The following NDC1 variants were observed in gnomAD, a reference collection of about 807,000 sequenced individuals.
The protein encoded by NDC1 is NDC1 transmembrane nucleoporin.
Under a neutral mutation model 89.8 loss-of-function variants are expected in NDC1, and 24 were observed. That is an observed-to-expected ratio of 0.27 (90% confidence interval 0.19 to 0.38). NDC1 has a LOEUF of 0.38. Among genes scored for constraint, NDC1 ranks in the 10% least tolerant of loss-of-function variants. The pLI is 1.00. For synonymous variants in NDC1, 296 were observed against 284.8 expected, an observed-to-expected ratio of 1.04 and a Z score of -0.39; for missense variants, 728 against 797.6, an observed-to-expected ratio of 0.91 and a Z score of 1.05.
chr1:53,790,958 T>C (rs1405557712), intron 14 of NDC1, among the ~76,000 whole-genome samples: 1 of 152,172 alleles, frequency 6.6e-6, no homozygotes, highest in African/African-American at 2.4e-5. Flanking sequence ...GTAATCATCC[T>C]ACTCTGGTAT....
At chr1:53,794,489 C>T (rs905646060) in intron 13 of NDC1, among the ~76,000 whole-genome samples, 1 of 152,104 alleles carries the variant, frequency 6.6e-6, no homozygotes, top group African/African-American at 2.4e-5. Flanking sequence ...TATGGGATCC[C>T]GAAGTTTATG....
intron 17 of NDC1, among the ~76,000 whole-genome samples, chr1:53,770,615 T>A (rs1226349675): frequency 6.6e-6 from 1 of 151,688 alleles, no homozygotes; most frequent in African/African-American, 2.4e-5. Context: ...CCCATTCTCA[T>A]AATCCATTCT....
rs1218601056 is a variant in NDC1 at position 53,778,293 on chromosome 1, ACACT to A, written c.1801-5808_1801-5805del. Among the ~76,000 whole-genome samples the A allele has an allele frequency of 5.3e-5, 8 of 151,076 alleles. No individual in the cohort carries two copies. The South Asian group carries it at 6.3e-4, about 12-fold the overall frequency. ...CACACACACACACACACACACACAC[ACACT>A]GTCACATTTTTAAAATTAATAAACA... On this transcript the variant is annotated intron_variant, in intron 16 of 17. Coordinates refer to ENST00000371429, the MANE Select transcript of NDC1 (RefSeq NM_018087.5).
rs1647333069 is a variant in NDC1, at chr1:53,787,208, C to A, written c.1750G>T (p.Val584Phe). 6.2e-7 allele frequency: 1 copy of A among 1,609,266 alleles called. No homozygotes were observed. The highest frequency in any genetic ancestry group is 1.3e-5 in the African/African-American group (1 of 74,326). Reference protein sequence around the residue: ...ASFTEDRFGVVQTTLPAILNT... With the variant: ...ASFTEDRFGVFQTTLPAILNT... ...AGGATAGCTGGTAGTGTCGTCTGGA[C>A]AACTCCAAATCTATCCTCTGTAAAT... Residue 584 changes from valine to phenylalanine, a missense_variant, in exon 16 of 18, where the codon GTC becomes TTC. Val to Phe is a conservative substitution (Grantham distance 50). Coordinates refer to ENST00000371429, the MANE Select transcript of NDC1 (RefSeq NM_018087.5).
chr1:53,778,390 A>C (rs993912897), intron 16 of NDC1, among the ~76,000 whole-genome samples: 5 of 152,188 alleles, frequency 3.3e-5, no homozygotes. Flanking sequence ...ATTTGTAGCA[A>C]GTCAAACTAG....
At chr1:53,801,581 T>C (rs926749919) in intron 10 of NDC1, among the ~76,000 whole-genome samples, 1 of 152,198 alleles carries the variant, frequency 6.6e-6, no homozygotes, top group Non-Finnish European at 1.5e-5. Context: ...CTATCCTATG[T>C]GCCAAATGAT....
intron 13 of NDC1, 89 bp downstream of exon 13, chr1:53,796,600 C>G: frequency 7.6e-6 from 4 of 527,306 alleles, no homozygotes; most frequent in Non-Finnish European, 3.0e-6. Flanking sequence ...AAAAAAAAAG[C>G]TTCTTATTCC....
chr1:53,837,263 T>C (rs534980079), intron 1 of NDC1, among the ~76,000 whole-genome samples: 1 of 152,236 alleles, frequency 6.6e-6, no homozygotes, highest in East Asian at 1.9e-4. Context: ...ATCTCTATTA[T>C]AAAAATAATT....
chr1:53,820,701 C>CTTTTTT (rs927514677), intron 5 of NDC1, among the ~76,000 whole-genome samples: 12 of 74,876 alleles, frequency 1.6e-4, no homozygotes, highest in Admixed American at 3.2e-4. Context: ...ACTTCTCTCT[C>CTTTTTT]TTTTTTTTTT....
At chr1:53,784,178 T>C (rs1647250544) in intron 16 of NDC1, among the ~76,000 whole-genome samples, 1 of 151,920 alleles carries the variant, frequency 6.6e-6, no homozygotes, top group East Asian at 1.9e-4. Flanking sequence ...GCACTACACA[T>C]AGTAAAAGGT....
intron 6 of NDC1, among the ~76,000 whole-genome samples, chr1:53,812,805 C>T (rs1648354686): frequency 1.3e-5 from 2 of 152,190 alleles, no homozygotes; most frequent in African/African-American, 4.8e-5. Flanking sequence ...ACACTGTCAT[C>T]AGGTTATCCA....
At chr1:53,835,466 C>T (rs1471107920) in intron 2 of NDC1, 34 bp downstream of exon 2, 2 of 1,578,210 alleles carry the variant, frequency 1.3e-6, no homozygotes. Context: ...GAAGTAGGTC[C>T]TATAACTTTC....
At chr1:53,835,898 T>C (rs1393555845) in intron 1 of NDC1, among the ~76,000 whole-genome samples, 1 of 152,182 alleles carries the variant, frequency 6.6e-6, no homozygotes, top group Non-Finnish European at 1.5e-5. Context: ...CAACTAATAC[T>C]TGTCTCTCTA....
At chr1:53,787,844 G>A (rs566605299) in intron 15 of NDC1, among the ~76,000 whole-genome samples, 28 of 136,242 alleles carry the variant, frequency 2.1e-4, no homozygotes, top group Non-Finnish European at 3.7e-4. Flanking sequence ...ATAGTGTTGC[G>A]TAATAATATG....
intron 14 of NDC1, among the ~76,000 whole-genome samples, chr1:53,789,510 A>G (rs1338781675): frequency 6.6e-6 from 1 of 152,126 alleles, no homozygotes; most frequent in Non-Finnish European, 1.5e-5. Flanking sequence ...GGTTACAGAA[A>G]CTCTTTTTAA....
intron 1 of NDC1, among the ~76,000 whole-genome samples, chr1:53,837,683 T>G (rs527291894): frequency 6.6e-6 from 1 of 152,326 alleles, no homozygotes; most frequent in Admixed American, 6.5e-5. Context: ...CTTTCTCCTC[T>G]TTCTCTTTGC....
Position 53,807,642 on chromosome 1 carries a change from T to C in NDC1, c.891+14A>G. On this transcript the variant is annotated intron_variant, in intron 8 of 17. Transcript: ENST00000371429. ...ACACAAAAGTATTAAGAAAAAATAT[T>C]TTAAAAAACATACCTCTGTGGCATA... 1.3e-6 allele frequency: 2 copies of C among 1,587,172 alleles called. No individual in the cohort carries two copies. Among genetic ancestry groups the C allele is most frequent in the Non-Finnish European group, 1.7e-6 (2 of 1,172,406 alleles).
chr1:53,831,738 CT>C (rs1310479777), intron 3 of NDC1, among the ~76,000 whole-genome samples: 5 of 151,590 alleles, frequency 3.3e-5, no homozygotes, highest in Non-Finnish European at 7.4e-5. Context: ...CTTATTGTAT[CT>C]TTTTTTCCTT....
chr1:53,790,321 C>G (rs1425605621), intron 14 of NDC1, among the ~76,000 whole-genome samples: 8 of 145,422 alleles, frequency 5.5e-5, no homozygotes, highest in Non-Finnish European at 7.6e-5. Context: ...GCTGAGATCA[C>G]GCCACTGCAC....
Sources: allele counts gnomAD v4.1 joint callset (sites outside exome capture counted in the v4.1 genomes callset), GRCh38; gene constraint gnomAD v4.1.1; transcripts MANE v1.5; gene names NCBI Gene and HGNC (gene_info 2026-07-23, HGNC 2026-07-21).